The following LIN28A variants were observed in gnomAD, a reference collection of about 807,000 sequenced individuals.
LIN28A encodes lin-28 RNA binding posttranscriptional regulator A.
Under a neutral mutation model 21.1 loss-of-function variants are expected in LIN28A, and 11 were observed. The ratio of observed to expected loss-of-function variants is 0.52; its 90% CI spans 0.33 to 0.86. The LOEUF is 0.86. Ranked by LOEUF, LIN28A falls within the 40% of genes least tolerant of loss-of-function variation. The pLI is 0.03. For synonymous variants in LIN28A, 111 were observed against 108.7 expected (o/e 1.02, Z -0.13); for missense variants, 219 against 279.8 (o/e 0.78, Z 1.55).
At chr1:26,418,113 G>T (rs567919080) in intron 2 of LIN28A, among the ~76,000 whole-genome samples, 1 of 151,974 alleles carries the variant, frequency 6.6e-6, no homozygotes, top group East Asian at 1.9e-4. Context: ...AGCTTGCAAA[G>T]GCATAAATTG....
Position 26,411,444 on chromosome 1 carries a change from G to A in LIN28A, c.90G>A (p.Arg30=), listed in dbSNP as rs760620561. 38 of 1,609,624 alleles carry A rather than the reference G, an allele frequency of 2.4e-5. No homozygotes were observed. In the East Asian group the frequency reaches 8.5e-4, roughly 36 times the overall value. ...APEEAPEDAA[R]AADEPQLLHG... is the part of the protein sequence containing the mutation. ...AGGAGGCGCCGGAGGACGCGGCCCG[G>A]GCGGCGGACGAGCCTCAGCTGCTGC... Residue 30 remains arginine (R), a synonymous_variant, in exon 2 of 4, where the codon CGG becomes CGA. Transcript: ENST00000326279. The surrounding 1 kb of genome is among the most constrained non-coding windows in gnomAD (Gnocchi z 5.4).
chr1:26,425,189 G>GTTTCCT, intron 2 of LIN28A, 114 bp from the exon 3 acceptor site: 1 of 1,027,872 alleles, frequency 9.7e-7, no homozygotes, highest in Non-Finnish European at 1.4e-6. Flanking sequence ...TTCCTTACCA[G>GTTTCCT]TAAAATAGGA....
In LIN28A at chr1:26,419,199, C is replaced by G. The variant is rs577588864; in HGVS notation, c.229-6104C>G. On this transcript the variant is annotated intron_variant, in intron 2 of 3. Transcript: ENST00000326279. ...GGGAGGCTGGCTCTGTGGGGCTGCA[C>G]GCTGATTACCTATCTGATAAGAGAG... 6.6e-5 allele frequency among the ~76,000 whole-genome samples: 10 copies of G among 150,746 alleles called. No homozygotes were observed. The South Asian group carries it at 1.0e-3, about 16-fold the overall frequency.
Position 26,417,206 on chromosome 1 carries a change from C to G in LIN28A, c.228+5624C>G, listed in dbSNP as rs570925260. 2.0e-5 allele frequency among the ~76,000 whole-genome samples: 3 copies of G among 152,348 alleles called. No homozygotes were observed. The East Asian group carries it at 5.8e-4, about 29-fold the overall frequency. ...CTTACCTTTGGGCAGACAGGCTGAG[C>G]AGCGCCATCTGGTGGAGAACTCCAG... On this transcript the variant is annotated intron_variant, in intron 2 of 3. Coordinates refer to ENST00000326279, the MANE Select transcript of LIN28A (RefSeq NM_024674.6).
rs140210747 is a variant in LIN28A at position 26,424,899 on chromosome 1, G to A, written c.229-404G>A. 3.1e-3 allele frequency among the ~76,000 whole-genome samples: 468 copies of A among 151,864 alleles called. 3 individuals are homozygous for A. The highest frequency in any genetic ancestry group is 0.011 in the African/African-American group (446 of 41,398). On this transcript the variant is annotated intron_variant, in intron 2 of 3. Transcript: ENST00000326279. ...TGGGATTACAGGTGCCCGCCACCAC[G>A]CCCAGCTAATTTTTTTTATTTTTAG... is the stretch of plus-strand genomic sequence containing the variant.
In LIN28A at chr1:26,426,369, G is replaced by A; in HGVS notation, c.541G>A (p.Gly181Ser). 1 of 1,614,196 alleles carries A rather than the reference G, an allele frequency of 6.2e-7. No homozygotes were observed. The highest frequency in any genetic ancestry group is 1.1e-5 in the South Asian group (1 of 91,088). ...CTCATGTCCGCTGAAGGCCCAGCAG[G>A]GCCCTAGTGCACAGGGAAAGCCAAC... ...VASCPLKAQQ[G>S]PSAQGKPTYF... Residue 181 changes from glycine (G) to serine (S), a missense_variant, in exon 4 of 4, where the codon GGC becomes AGC. By Grantham distance (56) the Gly-to-Ser change is moderately conservative (BLOSUM62 0). Around this residue, in one of 3 missense-constraint regions of LIN28A, gnomAD observed 45 missense variants for 37.7 expected, o/e 1.19. Transcript: ENST00000326279.
At chr1:26,421,707 T>C (rs984104345) in intron 2 of LIN28A, among the ~76,000 whole-genome samples, 4 of 152,216 alleles carry the variant, frequency 2.6e-5, no homozygotes, top group East Asian at 1.9e-4. Context: ...GATTTCTCCA[T>C]ATATTCTCAG....
chr1:26,424,880 T>C (rs1284849112), intron 2 of LIN28A, among the ~76,000 whole-genome samples: 1 of 152,054 alleles, frequency 6.6e-6, no homozygotes, highest in Non-Finnish European at 1.5e-5. Context: ...TAGCTGGGAT[T>C]ACAGGTGCCC....
rs35039079 is a variant in LIN28A at position 26,428,544 on chromosome 1, CT to C, written c.*2102del. On this transcript the variant is annotated 3_prime_UTR_variant, in exon 4 of 4. Transcript: ENST00000326279. ...CAAGACCATTACCATTTCTTTCTTT[CT>C]TTTTTTTTTTTTTTTAAAATGGAGT... 0.79 allele frequency: 112,744 copies of C among 141,908 alleles called. 44,649 individuals carry two copies. The highest frequency in any genetic ancestry group is 0.86 in the East Asian group (4,144 of 4,802). 8.8% of individuals were successfully genotyped at this position (141,908 alleles called of 1,614,324 possible).
intron 2 of LIN28A, among the ~76,000 whole-genome samples, chr1:26,417,459 C>T (rs1227675676): frequency 6.6e-6 from 1 of 152,184 alleles, no homozygotes; most frequent in Non-Finnish European, 1.5e-5. Flanking sequence ...AGGACTGAAT[C>T]ATTAAAATTA....
chr1:26,425,472 G>A lies in LIN28A; in HGVS notation c.398G>A (p.Arg133Lys). The part of the protein sequence containing the change: ...RPKGKSMQKR[R>K]SKGDRCYNCG... ...AAAGGAAAGAGCATGCAGAAGCGCA[G>A]ATCAAAAGGAGACAGGTATGGATTG... is the stretch of plus-strand genomic sequence containing the variant. Residue 133 changes from arginine (R) to lysine (K), a missense_variant, in exon 3 of 4, where the codon AGA (arginine) becomes AAA (lysine). Physicochemically the swap from Arg to Lys is conservative, Grantham distance 26. Transcript: ENST00000326279. The A allele has an allele frequency of 6.2e-7, 1 of 1,613,996 alleles. No homozygotes were observed. The highest frequency in any genetic ancestry group is 8.5e-7 in the Non-Finnish European group (1 of 1,179,950).
intron 2 of LIN28A, among the ~76,000 whole-genome samples, chr1:26,415,580 C>T (rs367599151): frequency 2.3e-3 from 357 of 152,210 alleles, no homozygotes; most frequent in African/African-American, 8.4e-3. Flanking sequence ...CTTGGTGAAT[C>T]AGAAGTACAC....
chr1:26,412,166 C>T (rs977417465), intron 2 of LIN28A, among the ~76,000 whole-genome samples: 2 of 152,216 alleles, frequency 1.3e-5, no homozygotes, highest in African/African-American at 4.8e-5. Context: ...GGACTGGGGT[C>T]TTTGCTGTCC....
intron 2 of LIN28A, among the ~76,000 whole-genome samples, chr1:26,422,010 C>CTTTTT (rs35658483): frequency 7.0e-6 from 1 of 142,864 alleles, no homozygotes; most frequent in Non-Finnish European, 1.5e-5. Context: ...GAATATTTAT[C>CTTTTT]TTTTTTTTTT....
chr1:26,426,863 A>G lies in LIN28A; in HGVS notation c.*405A>G. 2 of 189,364 alleles carry G rather than the reference A, an allele frequency of 1.1e-5. No individual in the cohort carries two copies. Among genetic ancestry groups the G allele is most frequent in the South Asian group, 2.1e-4 (2 of 9,452 alleles). The allele number at this position is 189,364 out of a possible 1,614,324, so 11.7% of individuals were successfully genotyped here. A position where few individuals can be genotyped will look rare whatever the true frequency, so the allele number is the denominator to read the frequency against. The stretch of plus-strand genomic sequence containing the variant: ...CAGATTCATGGAGCCAAGCCACTAC[A>G]TTCTGTGGAAGGAGATCTCTCAGGA... On this transcript the variant is annotated 3_prime_UTR_variant, in exon 4 of 4. Transcript: ENST00000326279.
intron 3 of LIN28A, 42 bp downstream of exon 3, chr1:26,425,529 C>T (rs1285765560): frequency 6.4e-7 from 1 of 1,558,940 alleles, no homozygotes; most frequent in South Asian, 1.1e-5. Flanking sequence ...CTAAGGGCAT[C>T]CCCAGTCTCC....
At chr1:26,418,618 C>T (rs1045796937) in intron 2 of LIN28A, among the ~76,000 whole-genome samples, 1 of 151,876 alleles carries the variant, frequency 6.6e-6, no homozygotes, top group African/African-American at 2.4e-5. Context: ...CCCATGTAGG[C>T]TCCCCACAGT....
In LIN28A at chr1:26,411,283, G is replaced by A. The variant is rs1269059163; in HGVS notation, c.32-103G>A. On this transcript the variant is annotated intron_variant, in intron 1 of 3. Transcript: ENST00000326279. The surrounding 1 kb of genome is among the most constrained non-coding windows in gnomAD (Gnocchi z 5.4). Reference sequence around the variant, plus strand: ...GCTTGGTAGCTGCCCCCTCCTGGCTGTCCACTTGTGGGGCTGGATACTCGG... The same window carrying A: ...GCTTGGTAGCTGCCCCCTCCTGGCTATCCACTTGTGGGGCTGGATACTCGG... 2 of 1,155,142 alleles carry A rather than the reference G, an allele frequency of 1.7e-6. No homozygotes were observed. Among genetic ancestry groups the A allele is most frequent in the African/African-American group, 1.6e-5 (1 of 63,552 alleles). 71.6% of individuals were successfully genotyped at this position (1,155,142 alleles called of 1,614,324 possible). A position where few individuals can be genotyped will look rare whatever the true frequency, so the allele number is the denominator to read the frequency against.
At chr1:26,420,451 T>C (rs2075022127) in intron 2 of LIN28A, among the ~76,000 whole-genome samples, 1 of 151,970 alleles carries the variant, frequency 6.6e-6, no homozygotes, top group African/African-American at 2.4e-5. Context: ...CTGTCTCTAC[T>C]AGAAATACAA....
Sources: allele counts gnomAD v4.1 joint callset (sites outside exome capture counted in the v4.1 genomes callset), GRCh38; gene constraint gnomAD v4.1.1; regional missense constraint gnomAD v4.1.1; non-coding constraint Gnocchi (gnomAD v3.1); transcripts MANE v1.5; gene names NCBI Gene and HGNC (gene_info 2026-07-23, HGNC 2026-07-21).